Variants in TBCEL observed in about 807,000 individuals in gnomAD.
TBCEL encodes tubulin-specific chaperone cofactor E-like protein.
TBCEL carries 15 observed loss-of-function variants against 44.2 expected under a neutral mutation model. The observed-to-expected ratio is 0.34, with a 90% CI of 0.23 to 0.52. The LOEUF (loss-of-function observed/expected upper bound fraction) is 0.52. Among genes scored for constraint, TBCEL ranks in the 20% least tolerant of loss-of-function variants. The pLI is 0.95. For synonymous variants in TBCEL, 171 were observed against 185.4 expected (o/e 0.92, Z 0.63); for missense variants, 319 against 506.3 (o/e 0.63, Z 3.55).
chr11:121,055,074 C>T lies in TBCEL; in HGVS notation c.478C>T (p.Leu160Phe). 1.3e-6 allele frequency: 2 copies of T among 1,544,688 alleles called. No homozygotes were observed. Among genetic ancestry groups the T allele is most frequent in the South Asian group, 2.6e-5 (2 of 77,942 alleles). Residue 160 changes from leucine to phenylalanine, a missense_variant, in exon 6 of 9, where the codon CTT (leucine) becomes TTT (phenylalanine). Leu to Phe is a conservative substitution (Grantham distance 22, BLOSUM62 0). Transcript: ENST00000683345. ...CAGTTTGGAGGAGCTCTTCCTGTGC[C>T]TTAATGACTATGAAACAGTGTCTTG... ...LPDLEELFLC[L>F]NDYETVSCPS...
intron 8 of TBCEL, among the ~76,000 whole-genome samples, chr11:121,073,695 A>G (rs1394817500): frequency 3.3e-5 from 5 of 151,926 alleles, no homozygotes; most frequent in Non-Finnish European, 2.9e-5. Context: ...TTCAATATGT[A>G]GATATGAATG....
At chr11:121,070,531 G>T (rs1945909624) in intron 8 of TBCEL, among the ~76,000 whole-genome samples, 1 of 152,092 alleles carries the variant, frequency 6.6e-6, no homozygotes, top group Non-Finnish European at 1.5e-5. Flanking sequence ...CCATAAAAAA[G>T]GATGAGTTCA....
chr11:121,060,171 G>T, intron 8 of TBCEL, 86 bp downstream of exon 8: 1 of 867,284 alleles, frequency 1.2e-6, no homozygotes, highest in Admixed American at 2.1e-5. Flanking sequence ...CTAATCATTT[G>T]TTATTGGACC....
intron 8 of TBCEL, among the ~76,000 whole-genome samples, chr11:121,060,565 AT>A (rs1565500330): frequency 6.6e-6 from 1 of 152,018 alleles, no homozygotes. Flanking sequence ...AGGAATTAGT[AT>A]GGTGAATATA....
chr11:121,033,459 A>G (rs1238686422), intron 1 of TBCEL, among the ~76,000 whole-genome samples: 4 of 152,180 alleles, frequency 2.6e-5, no homozygotes, highest in African/African-American at 7.2e-5. Context: ...CGTAAATTAG[A>G]TCTCCCACTA....
Position 121,058,221 on chromosome 11 carries a change from A to G in TBCEL, c.713-124A>G, listed in dbSNP as rs34392274. The G allele has an allele frequency of 4.1e-6, 5 of 1,214,896 alleles. No homozygotes were observed. The African/African-American group carries it at 4.6e-5, about 11-fold the overall frequency. The allele number at this position is 1,214,896 out of a possible 1,614,324, so 75.3% of individuals were successfully genotyped here. ...TGCCTTGGATGAAGAAAACTTTCAG[A>G]CCGTTTAGTTTATGATCATTTTAAC... On this transcript the variant is annotated intron_variant, in intron 6 of 8. Coordinates refer to ENST00000683345, the MANE Select transcript of TBCEL (RefSeq NM_001363644.2).
chr11:121,045,417 A>C (rs898456325), intron 2 of TBCEL, among the ~76,000 whole-genome samples: 1 of 151,884 alleles, frequency 6.6e-6, no homozygotes, highest in African/African-American at 2.4e-5. Context: ...GAAGTGATCA[A>C]CTCCTCTTCT....
rs143432073 is a variant in TBCEL, at chr11:121,078,189, G to A, written c.957-8589G>A. ...TATCATTAACAGTTTTCTGTCTGCCGGTTTTATCAATTACTGAGAGGAGTA... is the reference window on the plus strand; with the variant it reads ...TATCATTAACAGTTTTCTGTCTGCCAGTTTTATCAATTACTGAGAGGAGTA... On this transcript the variant is annotated intron_variant, in intron 8 of 8. Coordinates refer to ENST00000683345, the MANE Select transcript of TBCEL (RefSeq NM_001363644.2). Among the ~76,000 whole-genome samples the A allele has an allele frequency of 5.3e-5, 8 of 151,892 alleles. No homozygotes were observed. In the East Asian group the frequency reaches 5.8e-4, roughly 11 times the overall value.
intron 8 of TBCEL, among the ~76,000 whole-genome samples, chr11:121,063,755 T>G (rs969967541): frequency 6.6e-6 from 1 of 152,228 alleles, no homozygotes; most frequent in South Asian, 2.1e-4. Context: ...TAACTTTGCC[T>G]GCACATAACT....
intron 1 of TBCEL, among the ~76,000 whole-genome samples, chr11:121,026,402 A>G (rs576308129): frequency 2.0e-5 from 3 of 152,228 alleles, no homozygotes; most frequent in Non-Finnish European, 4.4e-5. Flanking sequence ...TACATAGCCT[A>G]TTGCTGCAGG....
intron 4 of TBCEL, among the ~76,000 whole-genome samples, chr11:121,051,635 T>G (rs181347201): frequency 7.2e-5 from 11 of 151,940 alleles, no homozygotes; most frequent in Non-Finnish European, 1.5e-4. Context: ...TTTGGTACCA[T>G]TTGATCGCAA....
At chr11:121,074,318 ATT>A (rs1350727205) in intron 8 of TBCEL, among the ~76,000 whole-genome samples, 2 of 151,868 alleles carry the variant, frequency 1.3e-5, no homozygotes, top group Non-Finnish European at 2.9e-5. Context: ...CACTGATACT[ATT>A]TTCTTGTTAT....
At chr11:121,062,718 T>C (rs1945746957) in intron 8 of TBCEL, among the ~76,000 whole-genome samples, 2 of 152,184 alleles carry the variant, frequency 1.3e-5, no homozygotes, top group Non-Finnish European at 2.9e-5. Flanking sequence ...GAAAGGAATT[T>C]ATTGAAAGAC....
chr11:121,086,668 A>G (rs745467382), intron 8 of TBCEL, 110 bp from the exon 9 acceptor site: 10 of 832,754 alleles, frequency 1.2e-5, no homozygotes, highest in African/African-American at 1.7e-5. Flanking sequence ...ATAGAATAAG[A>G]TTTTTTAAAG....
At chr11:121,060,715 GA>G (rs975827712) in intron 8 of TBCEL, among the ~76,000 whole-genome samples, 5 of 150,284 alleles carry the variant, frequency 3.3e-5, no homozygotes, top group Admixed American at 6.6e-5. Flanking sequence ...AAACATTCAA[GA>G]AAAAAAAATA....
intron 1 of TBCEL, among the ~76,000 whole-genome samples, chr11:121,029,013 A>G (rs901659820): frequency 9.9e-5 from 15 of 152,228 alleles, no homozygotes; most frequent in South Asian, 6.2e-4. Context: ...GTCTTCCCAC[A>G]TATACTCTAT....
chr11:121,063,960 C>T (rs1945771204), intron 8 of TBCEL, among the ~76,000 whole-genome samples: 1 of 152,192 alleles, frequency 6.6e-6, no homozygotes, highest in African/African-American at 2.4e-5. Flanking sequence ...TATTACCCCT[C>T]TTGTATTTCT....
At position 121,088,221 on chromosome 11, in the gene TBCEL, C is replaced by G. The variant is rs185388669; in HGVS notation, c.*1125C>G. On this transcript the variant is annotated 3_prime_UTR_variant, in exon 9 of 9. Transcript: ENST00000683345. ...CATTAATCAAAGGGAGATTTTATTC[C>G]CAGGTTTTCCCTGGGACTTTGTGAT... 1 of 152,148 alleles carries G rather than the reference C, an allele frequency of 6.6e-6. No individual in the cohort carries two copies. The highest frequency in any genetic ancestry group is 1.5e-5 in the Non-Finnish European group (1 of 68,024). 9.4% of individuals were successfully genotyped at this position (152,148 alleles called of 1,614,324 possible). A position where few individuals can be genotyped will look rare whatever the true frequency, so the allele number is the denominator to read the frequency against.
intron 1 of TBCEL, among the ~76,000 whole-genome samples, chr11:121,024,670 G>C (rs1945014131): frequency 6.6e-6 from 1 of 152,194 alleles, no homozygotes; most frequent in African/African-American, 2.4e-5. Flanking sequence ...CCAGCTGTTA[G>C]AAGAGGGAGA....
Sources: allele counts gnomAD v4.1 joint callset (sites outside exome capture counted in the v4.1 genomes callset), GRCh38; gene constraint gnomAD v4.1.1; transcripts MANE v1.5; gene names NCBI Gene and HGNC (gene_info 2026-07-23, HGNC 2026-07-21).